TBC1D19: variants seen among roughly 807,000 people sequenced by gnomAD.
The protein encoded by TBC1D19 is TBC1 domain family, member 19.
Under a neutral mutation model 89.0 loss-of-function variants are expected in TBC1D19, and 60 were observed. That is an observed-to-expected ratio of 0.67 (90% CI 0.55 to 0.84). The LOEUF is 0.84. TBC1D19 is among the 40% of genes least tolerant of loss of function. The pLI is 0.00. For missense variants in TBC1D19, 500 were observed against 610.8 expected, an observed-to-expected ratio of 0.82 and a Z score of 1.91; for synonymous variants, 189 against 199.7, an observed-to-expected ratio of 0.95 and a Z score of 0.45.
chr4:26,677,688 G>A (rs1055548208), intron 11 of TBC1D19, among the ~76,000 whole-genome samples: 1 of 152,080 alleles, frequency 6.6e-6, no homozygotes, highest in Non-Finnish European at 1.5e-5. Flanking sequence ...GAGGGACTAG[G>A]TGGAGATAAT....
At chr4:26,727,503 A>G (rs1717390550) in intron 15 of TBC1D19, among the ~76,000 whole-genome samples, 1 of 152,218 alleles carries the variant, frequency 6.6e-6, no homozygotes, top group African/African-American at 2.4e-5. Flanking sequence ...CTGAGAGCAT[A>G]AAATAGGTAT....
chr4:26,655,260 T>C (rs13136955), intron 7 of TBC1D19, among the ~76,000 whole-genome samples: 69,319 of 152,106 alleles, frequency 0.46, 17,598 homozygotes, highest in Admixed American at 0.6. Context: ...TACCCGGCCA[T>C]GTGAGGTGTC....
intron 1 of TBC1D19, chr4:26,585,213 A>T (rs1471688340): frequency 1.1e-5 from 5 of 442,816 alleles, no homozygotes; most frequent in Non-Finnish European, 2.3e-5. Context: ...TCTATGAGAA[A>T]CTGTCACACT....
chr4:26,711,413 A>AT (rs1213207733), intron 13 of TBC1D19, among the ~76,000 whole-genome samples: 1 of 152,106 alleles, frequency 6.6e-6, no homozygotes, highest in Non-Finnish European at 1.5e-5. Context: ...AAAAAATTTT[A>AT]TAATAGTTTT....
chr4:26,793,766 C>T, the TBC1D19 span, among the ~76,000 whole-genome samples: 1 of 151,822 alleles, frequency 6.6e-6, no homozygotes, highest in Admixed American at 6.6e-5. Flanking sequence ...CTCTTTCTCT[C>T]CTGTTCTATG....
At chr4:26,841,691 A>G in the TBC1D19 span, among the ~76,000 whole-genome samples, 4 of 152,024 alleles carry the variant, frequency 2.6e-5, no homozygotes, top group African/African-American at 9.7e-5. Flanking sequence ...AACTTACCCT[A>G]CGCGTATTTT....
intron 4 of TBC1D19, among the ~76,000 whole-genome samples, chr4:26,621,098 G>T (rs947867924): frequency 6.6e-6 from 1 of 152,104 alleles, no homozygotes; most frequent in Admixed American, 6.5e-5. Context: ...ATTTGTTCTC[G>T]CAGTAGGCTG....
At chr4:26,830,857 C>A in the TBC1D19 span, among the ~76,000 whole-genome samples, 1 of 152,186 alleles carries the variant, frequency 6.6e-6, no homozygotes, top group Non-Finnish European at 1.5e-5. Context: ...CTGGACTGAA[C>A]ACGCTAGCCT....
At chr4:26,608,042 A>G (rs1577793317) in intron 1 of TBC1D19, among the ~76,000 whole-genome samples, 3 of 152,214 alleles carry the variant, frequency 2.0e-5, no homozygotes, top group African/African-American at 7.2e-5. Flanking sequence ...TTGTCATACC[A>G]CATCATGTAG....
rs932670790 is a variant in TBC1D19 at position 26,688,504 on chromosome 4, T to G, written c.954+97T>G. 5 of 1,303,198 alleles carry G rather than the reference T, an allele frequency of 3.8e-6. No individual in the cohort carries two copies. The African/African-American group carries it at 7.7e-5, about 20-fold the overall frequency. 80.7% of individuals were successfully genotyped at this position (1,303,198 alleles called of 1,614,324 possible). A position where few individuals can be genotyped will look rare whatever the true frequency, so the allele number is the denominator to read the frequency against. On this transcript the variant is annotated intron_variant, in intron 13 of 20. Transcript: ENST00000264866. ...CTCTGCTGTTGACTAAATCTTTTTG[T>G]AATCCATGGCATGCTTGTCGGATGA...
intron 15 of TBC1D19, among the ~76,000 whole-genome samples, chr4:26,721,652 C>T (rs1188239975): frequency 1.3e-5 from 2 of 152,086 alleles, no homozygotes; most frequent in African/African-American, 2.4e-5. Flanking sequence ...TAATGGCTTC[C>T]CATCTCTTAA....
chr4:26,651,134 T>A (rs1280690130), intron 7 of TBC1D19, among the ~76,000 whole-genome samples: 2 of 152,196 alleles, frequency 1.3e-5, no homozygotes, highest in African/African-American at 4.8e-5. Flanking sequence ...TAGTATAGTT[T>A]GAAGTCAGGT....
At chr4:26,758,736 T>A (rs1370426216), downstream of TBC1D19, among the ~76,000 whole-genome samples, 1 of 151,776 alleles carries the variant, frequency 6.6e-6, no homozygotes, top group Non-Finnish European at 1.5e-5. Context: ...CTCTGGACTA[T>A]TTTTTTTACA....
chr4:26,587,274 T>G (rs575334119), intron 1 of TBC1D19, among the ~76,000 whole-genome samples: 1 of 152,274 alleles, frequency 6.6e-6, no homozygotes, highest in East Asian at 1.9e-4. Flanking sequence ...TGTAACTGTA[T>G]TTATGAAAGA....
At chr4:26,741,741 C>T (rs987814592) in intron 17 of TBC1D19, among the ~76,000 whole-genome samples, 2 of 151,098 alleles carry the variant, frequency 1.3e-5, no homozygotes, top group Admixed American at 6.6e-5. Flanking sequence ...TCTTTAGAAA[C>T]ACAAAAAGAG....
chr4:26,840,209 G>A, the TBC1D19 span, among the ~76,000 whole-genome samples: 4 of 152,188 alleles, frequency 2.6e-5, no homozygotes, highest in Admixed American at 1.3e-4. Context: ...AGCCTCCTGA[G>A]TAGCTGGGAT....
intron 7 of TBC1D19, among the ~76,000 whole-genome samples, chr4:26,652,782 C>A (rs375685213): frequency 6.6e-6 from 1 of 152,040 alleles, no homozygotes; most frequent in South Asian, 2.1e-4. Context: ...GTCTTGCTAG[C>A]GGTCTATCAA....
chr4:26,696,727 T>C (rs1392459543), intron 13 of TBC1D19, among the ~76,000 whole-genome samples: 1 of 152,186 alleles, frequency 6.6e-6, no homozygotes, highest in African/African-American at 2.4e-5. Context: ...CTCAACTACA[T>C]GGAAACTGAA....
intron 1 of TBC1D19, among the ~76,000 whole-genome samples, chr4:26,595,226 G>A (rs961903691): frequency 1.3e-5 from 2 of 152,120 alleles, no homozygotes; most frequent in African/African-American, 4.8e-5. Context: ...TGCCATCTGT[G>A]TGTCTTCTTT....
Sources: allele counts gnomAD v4.1 joint callset (sites outside exome capture counted in the v4.1 genomes callset), GRCh38; gene constraint gnomAD v4.1.1; transcripts MANE v1.5; gene names NCBI Gene and HGNC (gene_info 2026-07-23, HGNC 2026-07-21).